The following FAM110B variants were observed in gnomAD, a reference collection of about 807,000 sequenced individuals.
FAM110B encodes protein FAM110B.
Under a neutral mutation model 20.4 loss-of-function variants are expected in FAM110B, and 6 were observed. The observed-to-expected ratio is 0.29, with a 90% CI of 0.16 to 0.58. FAM110B has a LOEUF of 0.58. Ranked by LOEUF, FAM110B falls within the 20% of genes least tolerant of loss-of-function variation. The pLI is 0.90. For missense variants in FAM110B, 434 were observed against 498.2 expected, an observed-to-expected ratio of 0.87 and a Z score of 1.23; for synonymous variants, 226 against 214.1, an observed-to-expected ratio of 1.06 and a Z score of -0.49.
chr8:58,006,469 T>C (rs1804404910), intron 1 of FAM110B, among the ~76,000 whole-genome samples: 1 of 152,188 alleles, frequency 6.6e-6, no homozygotes, highest in Non-Finnish European at 1.5e-5. Flanking sequence ...GTAGGCTGAC[T>C]GTGGGTCTTT....
intron 2 of FAM110B, among the ~76,000 whole-genome samples, chr8:58,059,274 C>G (rs990084844): frequency 6.6e-6 from 1 of 152,092 alleles, no homozygotes; most frequent in Non-Finnish European, 1.5e-5. Flanking sequence ...TGTGGACATA[C>G]GTTTTTATAG....
chr8:58,012,259 A>ATT (rs35474363), intron 1 of FAM110B, among the ~76,000 whole-genome samples: 3 of 150,736 alleles, frequency 2.0e-5, no homozygotes, highest in Non-Finnish European at 4.4e-5. Context: ...TGTTTTCCTG[A>ATT]TTTTTTTTTG....
At chr8:58,027,957 A>G (rs984838670) in intron 1 of FAM110B, among the ~76,000 whole-genome samples, 6 of 152,180 alleles carry the variant, frequency 3.9e-5, no homozygotes, top group South Asian at 2.1e-4. Flanking sequence ...TGTCCTGGGT[A>G]TATACTTAGT....
intron 2 of FAM110B, among the ~76,000 whole-genome samples, chr8:58,071,612 C>G (rs1233432088): frequency 2.0e-5 from 3 of 152,154 alleles, no homozygotes; most frequent in Non-Finnish European, 4.4e-5. Flanking sequence ...ACCGTGCCTC[C>G]CTCCCCACCC....
intron 2 of FAM110B, among the ~76,000 whole-genome samples, chr8:58,040,767 A>T (rs6471675): frequency 0.44 from 64,758 of 147,556 alleles, 14,070 homozygotes; most frequent in East Asian, 0.5. Flanking sequence ...CAGCTTTTTT[A>T]AAAAAAATCA....
chr8:58,076,448 C>T (rs1027919220), intron 3 of FAM110B, among the ~76,000 whole-genome samples: 15 of 152,110 alleles, frequency 9.9e-5, no homozygotes, highest in African/African-American at 2.9e-4. Flanking sequence ...GGAGGATGGC[C>T]GACCAGCAGG....
rs527820736 is a variant in FAM110B, at chr8:58,013,075, G to A, written c.-512+18269G>A. Among the ~76,000 whole-genome samples the A allele has an allele frequency of 9.9e-5, 15 of 152,284 alleles. 1 individual carries two copies. The highest frequency in any genetic ancestry group is 1.3e-4 in the Non-Finnish European group (9 of 68,024). ...CTCCTTCCCCCCAGACCTGGGAGGG[G>A]CTGTGGAAGGCCCCTGATGGGTTTT... On this transcript the variant is annotated intron_variant, in intron 1 of 3. Coordinates refer to ENST00000519262, the MANE Select transcript of FAM110B (RefSeq NM_001377989.1).
intron 1 of FAM110B, among the ~76,000 whole-genome samples, chr8:58,026,677 G>T (rs1804861803): frequency 6.6e-6 from 1 of 152,172 alleles, no homozygotes; most frequent in African/African-American, 2.4e-5. Context: ...TCCCAGAGCA[G>T]TGCCTTCCCT....
chr8:58,014,692 ACTGCTTTGCATT>A (rs1563497313), intron 1 of FAM110B, among the ~76,000 whole-genome samples: 1 of 152,070 alleles, frequency 6.6e-6, no homozygotes, highest in African/African-American at 2.4e-5. Context: ...GTTTTCCCTA[ACTGCTTTGCATT>A]TTTCTTTAAT....
intron 3 of FAM110B, among the ~76,000 whole-genome samples, chr8:58,123,384 C>T (rs766951660): frequency 2.6e-5 from 4 of 152,150 alleles, no homozygotes; most frequent in East Asian, 1.9e-4. Flanking sequence ...TGATTGCCAC[C>T]GTCCTGTGAG....
rs1444019855 is a variant in FAM110B, at chr8:58,146,738, G to A, written c.508G>A (p.Gly170Ser). The A allele has an allele frequency of 6.2e-7, 1 of 1,612,210 alleles. No homozygotes were observed. Among genetic ancestry groups the A allele is most frequent in the Non-Finnish European group, 8.5e-7 (1 of 1,179,230 alleles). ...GTCCCTGAAGGTCTACCCCACGCAG[G>A]GCCGCAGGAGCCCGCAGGAGGGCGG... ...AESLKVYPTQ[G>S]RRSPQEGGSH... The change falls in exon 4 of 4, where the codon GGC (glycine) becomes AGC (serine). Residue 170 changes from glycine to serine, a missense_variant. Physicochemically the swap from Gly to Ser is moderately conservative, Grantham distance 56. Around this residue, in one of 3 missense-constraint regions of FAM110B, gnomAD observed 284 missense variants for 278.3 expected, o/e 1.02. Coordinates refer to ENST00000519262, the MANE Select transcript of FAM110B (RefSeq NM_001377989.1).
At position 58,120,662 on chromosome 8, in the gene FAM110B, G is replaced by T. The variant is rs150745801; in HGVS notation, c.-324-25245G>T. Among the ~76,000 whole-genome samples the T allele has an allele frequency of 5.8e-3, 881 of 152,316 alleles. 5 individuals are homozygous for T. The highest frequency in any genetic ancestry group is 0.02 in the African/African-American group (831 of 41,566). ...AGATAAGAATAAGAGCTCCGAGGGT[G>T]GGACTGTCAGCCCATATTGTTGAGG... On this transcript the variant is annotated intron_variant, in intron 3 of 3. Coordinates refer to ENST00000519262, the MANE Select transcript of FAM110B (RefSeq NM_001377989.1).
chr8:58,109,291 G>A (rs1376600810), intron 3 of FAM110B, among the ~76,000 whole-genome samples: 2 of 152,082 alleles, frequency 1.3e-5, no homozygotes, highest in Non-Finnish European at 2.9e-5. Flanking sequence ...TAGCTGCAGA[G>A]TAAGAACAGA....
intron 1 of FAM110B, among the ~76,000 whole-genome samples, chr8:58,010,440 G>T (rs1364687712): frequency 6.6e-6 from 1 of 152,160 alleles, no homozygotes; most frequent in Non-Finnish European, 1.5e-5. Context: ...TTTGGGAAGA[G>T]ATCAGGTTTG....
chr8:58,033,005 ATCAGCCAGG>A (rs760031069), intron 2 of FAM110B, among the ~76,000 whole-genome samples: 5 of 152,240 alleles, frequency 3.3e-5, no homozygotes, highest in Non-Finnish European at 5.9e-5. Context: ...AAATGATCCC[ATCAGCCAGG>A]TAGCAACCAT....
intron 1 of FAM110B, among the ~76,000 whole-genome samples, chr8:58,012,695 G>A (rs1585810385): frequency 6.6e-6 from 1 of 152,326 alleles, no homozygotes; most frequent in East Asian, 1.9e-4. Context: ...GAGGACTGCT[G>A]GAGGACATTT....
chr8:58,045,770 A>G (rs1028735040), intron 2 of FAM110B, among the ~76,000 whole-genome samples: 1 of 152,222 alleles, frequency 6.6e-6, no homozygotes, highest in Non-Finnish European at 1.5e-5. Context: ...TAATACCAGA[A>G]GGTGGACATT....
chr8:58,001,583 TC>T (rs2150562027), intron 1 of FAM110B, among the ~76,000 whole-genome samples: 1 of 152,330 alleles, frequency 6.6e-6, no homozygotes, highest in South Asian at 2.1e-4. Flanking sequence ...TGATTGTTCA[TC>T]CCTGGTTGTT....
At chr8:58,045,028 C>G (rs16922943) in intron 2 of FAM110B, among the ~76,000 whole-genome samples, 8 of 152,050 alleles carry the variant, frequency 5.3e-5, no homozygotes, top group African/African-American at 1.7e-4. Context: ...TGCTTAATAG[C>G]CTGTTAAAGC....
Sources: gnomAD v4.1 joint callset for allele counts (sites outside exome capture counted in the v4.1 genomes callset) on GRCh38, gnomAD v4.1.1 for gene constraint, gnomAD v4.1.1 regional missense constraint, MANE v1.5 for transcripts, NCBI Gene and HGNC (gene_info 2026-07-23, HGNC 2026-07-21) for gene names.